The following EXOSC9 variants were observed in gnomAD, a reference collection of about 807,000 sequenced individuals.
The protein encoded by EXOSC9 is exosome complex component RRP45.
A neutral mutation model predicts 56.5 loss-of-function variants in EXOSC9; 38 were observed. That is an observed-to-expected ratio of 0.67 (90% CI 0.52 to 0.88). The LOEUF is 0.88. EXOSC9 is among the 40% of genes least tolerant of loss of function. The probability of loss-of-function intolerance (pLI) is 0.00; values close to 1 mark genes in which losing one functional copy is unlikely to be tolerated. For missense variants in EXOSC9, 559 were observed against 530.5 expected (o/e 1.05, Z -0.53); for synonymous variants, 170 against 170.8 (o/e 0.99, Z 0.04).
At position 121,804,176 on chromosome 4, in the gene EXOSC9, C is replaced by CT. The variant is rs10707993; in HGVS notation, c.385-428dup. 8.0e-3 allele frequency among the ~76,000 whole-genome samples: 972 copies of CT among 121,192 alleles called. 8 individuals carry two copies. The highest frequency in any genetic ancestry group is 0.016 in the African/African-American group (453 of 27,706). The allele number at this position is 121,192 out of a possible 152,430, so 79.5% of individuals were successfully genotyped here. A position where few individuals can be genotyped will look rare whatever the true frequency, so the allele number is the denominator to read the frequency against. On this transcript the variant is annotated intron_variant, in intron 4 of 11. Coordinates refer to ENST00000243498, the MANE Select transcript of EXOSC9 (RefSeq NM_005033.3). ...CCACTCCACCCAGCTAACTAAAAAACTTTTTTTTTTTTTTTTTTGTAGAGA... is the reference window on the plus strand; with the variant it reads ...CCACTCCACCCAGCTAACTAAAAAACTTTTTTTTTTTTTTTTTTTGTAGAGA...
At chr4:121,802,529 C>G (rs2149033779) in intron 2 of EXOSC9, 145 bp from the exon 3 acceptor site, 1 of 694,856 alleles carries the variant, frequency 1.4e-6, no homozygotes, top group South Asian at 2.1e-5. Flanking sequence ...GTATATTATA[C>G]TTTACATATA....
intron 7 of EXOSC9, among the ~76,000 whole-genome samples, chr4:121,810,338 C>T (rs72915958): frequency 0.04 from 6,100 of 151,664 alleles, 400 homozygotes; most frequent in African/African-American, 0.14. Flanking sequence ...ACCCTTCCAC[C>T]TAGAAGCAGG....
At position 121,816,357 on chromosome 4, in the gene EXOSC9, A is replaced by G. The variant is rs556945082; in HGVS notation, c.1157-12A>G. The stretch of plus-strand genomic sequence containing the variant: ...CTTTTTTTTTTTTTTTTAAATTAAT[A>G]AAAAAACAAAGATGCTCCCATAATA... On this transcript the variant is annotated splice_polypyrimidine_tract_variant and intron_variant, in intron 10 of 11. Transcript: ENST00000243498. 93 of 1,442,366 alleles carry G rather than the reference A, an allele frequency of 6.4e-5. 1 individual carries two copies. In the South Asian group the frequency reaches 1.2e-3, roughly 18 times the overall value. 89.3% of individuals were successfully genotyped at this position (1,442,366 alleles called of 1,614,324 possible). A position where few individuals can be genotyped will look rare whatever the true frequency, so the allele number is the denominator to read the frequency against.
chr4:121,815,546 A>C (rs952361671), intron 10 of EXOSC9: 31 of 985,298 alleles, frequency 3.1e-5, no homozygotes, highest in Admixed American at 6.1e-5. Flanking sequence ...GCAGGAGAAA[A>C]ATGGGCAAAA....
Position 121,813,356 on chromosome 4 carries a change from C to T in EXOSC9, c.950C>T (p.Ala317Val), listed in dbSNP as rs1724323864. ...DVEEKAEEII[A>V]EAEPPSEVVS... ...GAAGAAAAAGCAGAAGAAATCATTG[C>T]TGAAGCAGAACCTCCTTCAGAAGTG... The change falls in exon 9 of 12, where the codon GCT (alanine) becomes GTT (valine). Residue 317 changes from alanine (A) to valine (V), a missense_variant. Coordinates refer to ENST00000243498, the MANE Select transcript of EXOSC9 (RefSeq NM_005033.3). The T allele has an allele frequency of 6.2e-7, 1 of 1,613,230 alleles. No individual in the cohort carries two copies. Among genetic ancestry groups the T allele is most frequent in the Non-Finnish European group, 8.5e-7 (1 of 1,179,682 alleles).
chr4:121,801,600 C>T, intron 1 of EXOSC9, 110 bp downstream of exon 1: 1 of 1,002,698 alleles, frequency 1.0e-6, no homozygotes, highest in Non-Finnish European at 1.6e-6. Context: ...GAACGACCGG[C>T]ACGTTCACCC....
In EXOSC9 at chr4:121,811,652, G is replaced by A; in HGVS notation, c.808G>A (p.Glu270Lys). 2 of 1,570,040 alleles carry A rather than the reference G, an allele frequency of 1.3e-6. No individual in the cohort carries two copies. Among genetic ancestry groups the A allele is most frequent in the Admixed American group, 1.8e-5 (1 of 55,588 alleles). The stretch of plus-strand genomic sequence containing the variant: ...TACAGAGCTAATATTGAAAGCTTTG[G>A]AGAATGACCAAAAAGTAAGGTAAGT... The part of the protein sequence containing the change: ...EITELILKAL[E>K]NDQKVRKEGG... The change falls in exon 8 of 12, where the codon GAG (glutamate) becomes AAG (lysine). Residue 270 changes from glutamate (E) to lysine (K), a missense_variant. By Grantham distance (56) the Glu-to-Lys change is moderately conservative. Coordinates refer to ENST00000243498, the MANE Select transcript of EXOSC9 (RefSeq NM_005033.3).
chr4:121,812,703 C>G (rs983509302), intron 8 of EXOSC9, among the ~76,000 whole-genome samples: 2 of 152,002 alleles, frequency 1.3e-5, no homozygotes, highest in African/African-American at 4.8e-5. Flanking sequence ...TTTGGCCAGG[C>G]CGGTCTCAAA....
chr4:121,807,806 T>G, intron 6 of EXOSC9, 184 bp downstream of exon 6: 1 of 599,328 alleles, frequency 1.7e-6, no homozygotes, highest in Admixed American at 3.0e-5. Context: ...GTAACAAAAC[T>G]CTTATACTTT....
intron 10 of EXOSC9, chr4:121,815,666 C>T: frequency 2.0e-6 from 2 of 985,346 alleles, no homozygotes; most frequent in Non-Finnish European, 2.4e-6. Flanking sequence ...TTTTTTGTTA[C>T]TGTATTTTGG....
intron 10 of EXOSC9, chr4:121,814,587 G>C (rs905178142): frequency 6.6e-6 from 1 of 151,962 alleles, no homozygotes; most frequent in Non-Finnish European, 1.5e-5. Context: ...TATGATGATA[G>C]AAACATTAAG....
intron 10 of EXOSC9, chr4:121,815,935 G>T: frequency 8.1e-7 from 1 of 1,227,458 alleles, no homozygotes. Flanking sequence ...GCTCTAAGAA[G>T]CTGATTTAAA....
chr4:121,813,895 G>T lies in EXOSC9; in HGVS notation c.1004G>T (p.Gly335Val). ...TCTACACCTGTGCTATGGACTCCTG[G>T]AACTGCCCAAATTGGAGAGGGAGTA... is the stretch of plus-strand genomic sequence containing the variant. ...VVSTPVLWTP[G>V]TAQIGEGVEN... The change falls in exon 10 of 12, where the codon GGA becomes GTA. Residue 335 changes from glycine (G) to valine (V), a missense_variant. Physicochemically the swap from Gly to Val is moderately radical, Grantham distance 109 (BLOSUM62 -3). Transcript: ENST00000243498. 6.2e-7 allele frequency: 1 copy of T among 1,613,330 alleles called. No homozygotes were observed. Among genetic ancestry groups the T allele is most frequent in the Non-Finnish European group, 8.5e-7 (1 of 1,179,456 alleles).
intron 5 of EXOSC9, among the ~76,000 whole-genome samples, chr4:121,805,796 CTTTTTTTTTTTTCTT>C (rs1560623444): frequency 1.2e-4 from 8 of 67,872 alleles, no homozygotes; most frequent in Non-Finnish European, 1.6e-4. Context: ...AGAAAATATT[CTTTTTTTTTTTTCTT>C]TTTTTTTTTT....
intron 5 of EXOSC9, 71 bp downstream of exon 5, chr4:121,804,830 G>A (rs1726974029): frequency 7.5e-7 from 1 of 1,338,832 alleles, no homozygotes; most frequent in Non-Finnish European, 1.0e-6. Context: ...CAGGCAACTT[G>A]TTTTTAGTGA....
intron 10 of EXOSC9, chr4:121,814,631 A>G (rs1724416291): frequency 6.6e-6 from 1 of 152,200 alleles, no homozygotes; most frequent in African/African-American, 2.4e-5. Context: ...CTAGCCCCAC[A>G]TGGCTAGTGA....
Position 121,810,087 on chromosome 4 carries a change from A to C in EXOSC9, c.726A>C (p.Leu242=). The change falls in exon 7 of 12, where the codon CTA becomes CTC. Residue 242 remains leucine, a synonymous_variant. Coordinates refer to ENST00000243498, the MANE Select transcript of EXOSC9 (RefSeq NM_005033.3). ...CTIQSSGGIM[L]LKDQVLRCSK... ...TCCAGTCCAGTGGTGGGATAATGCT[A>C]CTAAAAGATCAAGTTAGTGCTTTGA... is the stretch of plus-strand genomic sequence containing the variant. The C allele has an allele frequency of 6.2e-7, 1 of 1,613,686 alleles. No individual in the cohort carries two copies. The highest frequency in any genetic ancestry group is 8.5e-7 in the Non-Finnish European group (1 of 1,179,628).
chr4:121,815,313 C>A (rs1724453136), intron 10 of EXOSC9: 7 of 955,734 alleles, frequency 7.3e-6, no homozygotes, highest in Non-Finnish European at 8.7e-6. Context: ...CTGTTAATAT[C>A]CTTGCACTTG....
At chr4:121,810,178 C>A in intron 7 of EXOSC9, 79 bp downstream of exon 7, 2 of 1,227,366 alleles carry the variant, frequency 1.6e-6, no homozygotes, top group Non-Finnish European at 1.2e-6. Flanking sequence ...AACAAAAATC[C>A]AATGGGGATA....
Sources: allele counts gnomAD v4.1 joint callset (sites outside exome capture counted in the v4.1 genomes callset), GRCh38; gene constraint gnomAD v4.1.1; transcripts MANE v1.5; gene names NCBI Gene and HGNC (gene_info 2026-07-23, HGNC 2026-07-21).